The following PKD2 variants were observed in gnomAD, a reference collection of about 807,000 sequenced individuals.
PKD2 encodes polycystin-2.
A neutral mutation model predicts 105.9 loss-of-function variants in PKD2; 48 were observed. The ratio of observed to expected loss-of-function variants is 0.45; its 90% CI spans 0.36 to 0.58. The LOEUF (loss-of-function observed/expected upper bound fraction) is 0.58. Among genes scored for constraint, PKD2 ranks in the 20% least tolerant of loss-of-function variants. The pLI is 0.00. For missense variants in PKD2, 1,078 were observed against 1,255.3 expected, an observed-to-expected ratio of 0.86 and a Z score of 2.13; for synonymous variants, 464 against 481.1, an observed-to-expected ratio of 0.96 and a Z score of 0.46.
At chr4:88,009,152 A>G (rs545871529) in intron 1 of PKD2, among the ~76,000 whole-genome samples, 4 of 152,220 alleles carry the variant, frequency 2.6e-5, no homozygotes, top group African/African-American at 9.6e-5. Flanking sequence ...GGAATTTTCA[A>G]ATTTGCCAGT....
chr4:88,009,737 C>T (rs1481034357), intron 1 of PKD2, among the ~76,000 whole-genome samples: 1 of 152,248 alleles, frequency 6.6e-6, no homozygotes, highest in African/African-American at 2.4e-5. Flanking sequence ...AAAACACTAA[C>T]ACTTTTTAAG....
chr4:88,048,818 T>C (rs1438701578), intron 6 of PKD2, among the ~76,000 whole-genome samples: 1 of 152,174 alleles, frequency 6.6e-6, no homozygotes, highest in African/African-American at 2.4e-5. Context: ...CACAAGAATT[T>C]TAGCATTTAA....
chr4:88,065,695 G>A lies in PKD2; in HGVS notation c.2241-67G>A, dbSNP rs553753419. ...TTCTCCTTTCCTCCTGCATTTTGAT[G>A]TCTCTGTGTTGAGGGTGAACTGGGT... is the stretch of plus-strand genomic sequence containing the variant. On this transcript the variant is annotated intron_variant, in intron 11 of 14. Coordinates refer to ENST00000237596, the MANE Select transcript of PKD2 (RefSeq NM_000297.4). 13 of 1,271,456 alleles carry A rather than the reference G, an allele frequency of 1.0e-5. No individual in the cohort carries two copies. The African/African-American group carries it at 1.3e-4, about 13-fold the overall frequency. The allele number at this position is 1,271,456 out of a possible 1,614,324, so 78.8% of individuals were successfully genotyped here.
In PKD2 at chr4:88,062,012, A is replaced by G; in HGVS notation, c.2118+8A>G. 1.5e-6 allele frequency: 2 copies of G among 1,325,086 alleles called. No individual in the cohort carries two copies. The highest frequency in any genetic ancestry group is 2.2e-6 in the Non-Finnish European group (2 of 917,096). The allele number at this position is 1,325,086 out of a possible 1,614,324, so 82.1% of individuals were successfully genotyped here. A position where few individuals can be genotyped will look rare whatever the true frequency, so the allele number is the denominator to read the frequency against. ...TCAGATCTTATCAGAAAGGTAGGAA[A>G]AACCTTAATTCTCAGAATTCTTCTG... is the stretch of plus-strand genomic sequence containing the variant. On this transcript the variant is annotated splice_region_variant and intron_variant, in intron 10 of 14. Transcript: ENST00000237596.
chr4:88,055,384 G>A (rs544948286), intron 7 of PKD2, among the ~76,000 whole-genome samples: 19 of 151,968 alleles, frequency 1.3e-4, no homozygotes, highest in African/African-American at 4.3e-4. Flanking sequence ...ATCCTTTTTG[G>A]GGGGAAAGCA....
At chr4:88,057,214 T>C (rs1025184659) in intron 8 of PKD2, among the ~76,000 whole-genome samples, 2 of 151,860 alleles carry the variant, frequency 1.3e-5, no homozygotes, top group African/African-American at 2.4e-5. Context: ...GGTATTGAAC[T>C]CCAGGGCCTC....
intron 6 of PKD2, among the ~76,000 whole-genome samples, chr4:88,049,969 ATTT>A (rs397881137): frequency 7.1e-4 from 84 of 118,510 alleles, no homozygotes; most frequent in Middle Eastern, 4.5e-3. Context: ...TACAGGGTAA[ATTT>A]TTTTTTTTTT....
rs377454143 is a variant in PKD2 at position 88,052,087 on chromosome 4, G to C, written c.1645G>C (p.Glu549Gln). The change falls in exon 7 of 15, where the codon GAG becomes CAG. Residue 549 changes from glutamate to glutamine, a missense_variant. Around this residue, in one of 2 missense-constraint regions of PKD2, gnomAD observed 868 missense variants for 1,067.3 expected, o/e 0.81. Coordinates refer to ENST00000237596, the MANE Select transcript of PKD2 (RefSeq NM_000297.4). The part of the protein sequence containing the change: ...LEDQNTFPNF[E>Q]HLAYWQIQFN... The stretch of plus-strand genomic sequence containing the variant: ...AGATCAAAATACTTTCCCCAACTTT[G>C]AGCATCTGGCATATTGGCAGATACA... 1 of 1,607,176 alleles carries C rather than the reference G, an allele frequency of 6.2e-7. No homozygotes were observed. Among genetic ancestry groups the C allele is most frequent in the African/African-American group, 1.3e-5 (1 of 74,752 alleles).
Position 88,007,723 on chromosome 4 carries a change from C to T in PKD2, c.-11C>T, listed in dbSNP as rs1202952484. ...CGCCGCGCACCCGCGCGCCGGACGC[C>T]AGTGACCGCGATGGTGAACTCCAGT... On this transcript the variant is annotated 5_prime_UTR_variant, in exon 1 of 15. An upstream open reading frame in the 5' UTR gains an earlier in-frame stop. Transcript: ENST00000237596. 6 of 1,197,890 alleles carry T rather than the reference C, an allele frequency of 5.0e-6. No individual in the cohort carries two copies. Among genetic ancestry groups the T allele is most frequent in the Admixed American group, 3.5e-5 (1 of 28,186 alleles). 74.2% of individuals were successfully genotyped at this position (1,197,890 alleles called of 1,614,324 possible). A position where few individuals can be genotyped will look rare whatever the true frequency, so the allele number is the denominator to read the frequency against.
chr4:88,042,683 T>C (rs1228335053), intron 4 of PKD2, among the ~76,000 whole-genome samples: 1 of 152,216 alleles, frequency 6.6e-6, no homozygotes, highest in Non-Finnish European at 1.5e-5. Context: ...ATTTTACTTG[T>C]TTAATTATAA....
intron 6 of PKD2, among the ~76,000 whole-genome samples, chr4:88,048,946 A>G (rs2110118366): frequency 6.6e-6 from 1 of 152,360 alleles, no homozygotes; most frequent in Non-Finnish European, 1.5e-5. Context: ...TATTGTTTGG[A>G]GCTAAAAGGA....
intron 7 of PKD2, among the ~76,000 whole-genome samples, chr4:88,055,607 G>A (rs529333995): frequency 1.3e-5 from 2 of 150,588 alleles, no homozygotes; most frequent in South Asian, 2.1e-4. Flanking sequence ...CCAAAGTGCC[G>A]GGATTATAGA....
At chr4:88,042,816 C>G (rs544632714) in intron 4 of PKD2, among the ~76,000 whole-genome samples, 3 of 152,328 alleles carry the variant, frequency 2.0e-5, no homozygotes, top group Admixed American at 6.5e-5. Flanking sequence ...TTCCCAAATG[C>G]TGACAATGCC....
Position 88,036,344 on chromosome 4 carries a change from C to T in PKD2, c.834C>T (p.Asp278=), listed in dbSNP as rs938431235. Residue 278 remains aspartate (D), a synonymous_variant, in exon 3 of 15, where the codon GAC becomes GAT. Transcript: ENST00000237596. ...TNFKTLSSME[D]FWKFTEGSLL... Reference sequence around the variant, plus strand: ...TTAAAACTCTGTCTTCCATGGAAGACTTCTGGAAGGTATTTGCAAATAACT... The same window carrying T: ...TTAAAACTCTGTCTTCCATGGAAGATTTCTGGAAGGTATTTGCAAATAACT... 3 of 1,613,284 alleles carry T rather than the reference C, an allele frequency of 1.9e-6. No individual in the cohort carries two copies. The African/African-American group carries it at 4.0e-5, about 22-fold the overall frequency.
At chr4:88,013,048 G>A (rs972766370) in intron 1 of PKD2, among the ~76,000 whole-genome samples, 1 of 151,894 alleles carries the variant, frequency 6.6e-6, no homozygotes, top group Non-Finnish European at 1.5e-5. Flanking sequence ...GGGCATTTGC[G>A]GTTTTTTTCC....
At chr4:88,059,935 G>T (rs1720507263) in intron 9 of PKD2, among the ~76,000 whole-genome samples, 1 of 152,096 alleles carries the variant, frequency 6.6e-6, no homozygotes, top group Non-Finnish European at 1.5e-5. Context: ...TTAAGAAGTG[G>T]CTCAGCTGAA....
intron 2 of PKD2, among the ~76,000 whole-genome samples, chr4:88,021,769 A>G (rs1049770614): frequency 1.3e-5 from 2 of 152,172 alleles, no homozygotes; most frequent in African/African-American, 4.8e-5. Flanking sequence ...CTCCAAGCCT[A>G]CCTATACCAA....
chr4:88,071,999 T>C (rs13116350), intron 13 of PKD2, among the ~76,000 whole-genome samples: 1 of 147,788 alleles, frequency 6.8e-6, no homozygotes, highest in Non-Finnish European at 1.5e-5. Context: ...TTTTTTTTTT[T>C]TGAGACAGAG....
chr4:88,055,638 C>CTTTT (rs5860112), intron 7 of PKD2, among the ~76,000 whole-genome samples: 4 of 140,862 alleles, frequency 2.8e-5, no homozygotes, highest in African/African-American at 1.0e-4. Flanking sequence ...TGCACTCAGC[C>CTTTT]TTTTTTTTTT....
Sources: gnomAD v4.1 joint callset for allele counts (sites outside exome capture counted in the v4.1 genomes callset) on GRCh38, gnomAD v4.1.1 for gene constraint, gnomAD v4.1.1 regional missense constraint, MANE v1.5 for transcripts, NCBI Gene and HGNC (gene_info 2026-07-23, HGNC 2026-07-21) for gene names.